The following XIRP2 variants were observed in gnomAD, a reference collection of about 807,000 sequenced individuals.
The protein encoded by XIRP2 is xin actin binding repeat containing 2.
In XIRP2, 236 loss-of-function variants were observed where a neutral mutation model predicts 277.0. That is an observed-to-expected ratio of 0.85 (90% CI 0.77 to 0.95). XIRP2 has a LOEUF of 0.95. Ranked by LOEUF, XIRP2 falls within the 40% of genes least tolerant of loss-of-function variation. The pLI is 0.00. For synonymous variants in XIRP2, 1,490 were observed against 1,416.5 expected, an observed-to-expected ratio of 1.05 and a Z score of -1.17; for missense variants, 4,640 against 4,157.5, an observed-to-expected ratio of 1.12 and a Z score of -3.19.
chr2:167,082,801 TC>T (rs1351660512), intron 2 of XIRP2, among the ~76,000 whole-genome samples: 3 of 152,206 alleles, frequency 2.0e-5, no homozygotes, highest in African/African-American at 4.8e-5. Context: ...TTTGTTTTTT[TC>T]TTGTAAATCT....
rs541517702 is a variant in XIRP2 at position 167,183,360 on chromosome 2, G to T, written c.563-27375G>T. On this transcript the variant is annotated intron_variant, in intron 3 of 10. Transcript: ENST00000409195. ...CTTGTCAAGGACAAATGCAACAAAGGTTTTAATGGAGTGTAGTTATATGAT... is the reference window on the plus strand; with the variant it reads ...CTTGTCAAGGACAAATGCAACAAAGTTTTTAATGGAGTGTAGTTATATGAT... Among the ~76,000 whole-genome samples, 237 of 152,228 alleles carry T rather than the reference G, an allele frequency of 1.6e-3. 1 individual carries two copies. Among genetic ancestry groups the T allele is most frequent in the Non-Finnish European group, 2.9e-3 (195 of 68,014 alleles).
chr2:167,252,095 T>C, intron 9 of XIRP2, 148 bp downstream of exon 9: 1 of 1,210,688 alleles, frequency 8.3e-7, no homozygotes, highest in Middle Eastern at 2.2e-4. Context: ...GCTTATAGAC[T>C]CTTTATATGC....
At chr2:167,094,033 A>T (rs1178020411) in intron 2 of XIRP2, among the ~76,000 whole-genome samples, 2 of 151,602 alleles carry the variant, frequency 1.3e-5, no homozygotes, top group African/African-American at 4.9e-5. Flanking sequence ...ATGGTATCTC[A>T]TTGTGATTTT....
chr2:167,042,684 C>A (rs1246336025), intron 2 of XIRP2, among the ~76,000 whole-genome samples: 2 of 152,114 alleles, frequency 1.3e-5, no homozygotes, highest in Non-Finnish European at 2.9e-5. Flanking sequence ...GTGCACCCAA[C>A]ACCGGAGCAC....
In XIRP2 at chr2:167,135,884, A is replaced by G. The variant is rs370939404; in HGVS notation, c.409-25A>G. 80 of 1,562,228 alleles carry G rather than the reference A, an allele frequency of 5.1e-5. No homozygotes were observed. In the African/African-American group the frequency reaches 9.9e-4, roughly 19 times the overall value. On this transcript the variant is annotated intron_variant, in intron 2 of 10. Transcript: ENST00000409195. Reference sequence around the variant, plus strand: ...GTTTCCTACTGATAGCTTTTAACATACAACCCTTTAATGTCTTGTAACAGG... The same window carrying G: ...GTTTCCTACTGATAGCTTTTAACATGCAACCCTTTAATGTCTTGTAACAGG...
chr2:167,221,384 C>G (rs1488308950), intron 5 of XIRP2, among the ~76,000 whole-genome samples: 1 of 140,694 alleles, frequency 7.1e-6, no homozygotes, highest in Non-Finnish European at 1.5e-5. Context: ...AGCTTGAGCC[C>G]GGGAGGTGAA....
At chr2:167,003,094 C>T (rs905841224) in intron 2 of XIRP2, among the ~76,000 whole-genome samples, 6 of 151,638 alleles carry the variant, frequency 4.0e-5, no homozygotes, top group Admixed American at 4.0e-4. Context: ...TTCTACATTA[C>T]AGAGAGAAGG....
intron 2 of XIRP2, among the ~76,000 whole-genome samples, chr2:167,122,556 A>G (rs967113280): frequency 2.0e-5 from 3 of 152,072 alleles, no homozygotes; most frequent in Admixed American, 1.3e-4. Context: ...TGTCCAGGCA[A>G]TCTGGCCTCT....
intron 2 of XIRP2, among the ~76,000 whole-genome samples, chr2:167,042,501 C>G (rs912113390): frequency 6.6e-6 from 1 of 151,902 alleles, no homozygotes; most frequent in African/African-American, 2.4e-5. Context: ...AAAGATCTAT[C>G]AAGAAAATAG....
intron 2 of XIRP2, among the ~76,000 whole-genome samples, chr2:167,115,520 A>G (rs746717422): frequency 2.6e-5 from 4 of 152,004 alleles, no homozygotes; most frequent in African/African-American, 4.8e-5. Flanking sequence ...CTTTGGATGA[A>G]TTGTTTGGCT....
chr2:167,165,903 C>T (rs984980075), intron 3 of XIRP2, among the ~76,000 whole-genome samples: 6 of 152,150 alleles, frequency 3.9e-5, no homozygotes, highest in African/African-American at 7.2e-5. Flanking sequence ...TCTAAAAAGT[C>T]GTCACCAAAC....
rs550943938 is a variant in XIRP2, at chr2:167,208,430, C to A, written c.563-2305C>A. On this transcript the variant is annotated intron_variant, in intron 3 of 10. Coordinates refer to ENST00000409195, the MANE Select transcript of XIRP2 (RefSeq NM_152381.6). The stretch of plus-strand genomic sequence containing the variant: ...TCACGCCATTCTCCTGCCTCAGCCT[C>A]CCGAGTAGCTGGGACTACAGGCGCC... Among the ~76,000 whole-genome samples the A allele has an allele frequency of 4.3e-4, 65 of 152,296 alleles. No homozygotes were observed. The East Asian group carries it at 7.9e-3, about 19-fold the overall frequency.
chr2:167,237,238 T>C (rs890702732), intron 5 of XIRP2, among the ~76,000 whole-genome samples: 1 of 152,306 alleles, frequency 6.6e-6, no homozygotes, highest in Non-Finnish European at 1.5e-5. Context: ...AGTAGATACA[T>C]ATTAACTACA....
At chr2:167,059,983 A>G (rs1319613311) in intron 2 of XIRP2, among the ~76,000 whole-genome samples, 2 of 152,196 alleles carry the variant, frequency 1.3e-5, no homozygotes, top group Non-Finnish European at 2.9e-5. Flanking sequence ...GAAGCCCTGG[A>G]GAACTGGTGG....
At chr2:167,065,711 T>C (rs1468385597) in intron 2 of XIRP2, among the ~76,000 whole-genome samples, 1 of 151,970 alleles carries the variant, frequency 6.6e-6, no homozygotes, top group Non-Finnish European at 1.5e-5. Flanking sequence ...AGATCCAAAT[T>C]TCCATCAGCT....
chr2:167,248,055 T>C lies in XIRP2; in HGVS notation c.6663T>C (p.Asn2221=). Residue 2221 remains asparagine, a synonymous_variant, in exon 9 of 11, where the codon AAT becomes AAC. Coordinates refer to ENST00000409195, the MANE Select transcript of XIRP2 (RefSeq NM_152381.6). ...QLLPVEQDTS[N]VTEMKVSEKS... ...TGCCTGTAGAGCAAGACACATCCAATGTAACAGAAATGAAAGTCTCTGAAA... is the reference window on the plus strand; with the variant it reads ...TGCCTGTAGAGCAAGACACATCCAACGTAACAGAAATGAAAGTCTCTGAAA... 6.2e-7 allele frequency: 1 copy of C among 1,613,582 alleles called. No homozygotes were observed. The highest frequency in any genetic ancestry group is 1.7e-4 in the Middle Eastern group (1 of 6,060).
At chr2:167,155,489 CA>C (rs202086897) in intron 3 of XIRP2, among the ~76,000 whole-genome samples, 3,709 of 152,152 alleles carry the variant, frequency 0.024, 83 homozygotes, top group South Asian at 0.063. Context: ...GAACCAAAGA[CA>C]AAAACCACAT....
At chr2:167,255,902 T>C (rs1343678915) in intron 10 of XIRP2, among the ~76,000 whole-genome samples, 2 of 151,934 alleles carry the variant, frequency 1.3e-5, no homozygotes, top group African/African-American at 4.8e-5. Flanking sequence ...TTAAAATCTT[T>C]GGCTTATACT....
At chr2:166,981,429 T>C (rs1387109403) in intron 2 of XIRP2, among the ~76,000 whole-genome samples, 3 of 151,700 alleles carry the variant, frequency 2.0e-5, no homozygotes, top group African/African-American at 4.8e-5. Flanking sequence ...TCTTCTTCTT[T>C]TTTTTTTTTT....
Sources: gnomAD v4.1 joint callset for allele counts (sites outside exome capture counted in the v4.1 genomes callset) on GRCh38, gnomAD v4.1.1 for gene constraint, MANE v1.5 for transcripts, NCBI Gene and HGNC (gene_info 2026-07-23, HGNC 2026-07-21) for gene names.